Variants in FAM13A observed in about 807,000 individuals in gnomAD.
The protein encoded by FAM13A is protein FAM13A.
Under a neutral mutation model 129.6 loss-of-function variants are expected in FAM13A, and 76 were observed. The observed-to-expected ratio is 0.59, with a 90% CI of 0.49 to 0.71. FAM13A has a LOEUF of 0.71. FAM13A is among the 30% of genes least tolerant of loss of function. The probability of loss-of-function intolerance (pLI) is 0.00; values close to 1 mark genes in which losing one functional copy is unlikely to be tolerated. For missense variants in FAM13A, 1,108 were observed against 1,249.3 expected (o/e 0.89, Z 1.70); for synonymous variants, 443 against 449.9 (o/e 0.98, Z 0.20).
intron 23 of FAM13A, among the ~76,000 whole-genome samples, chr4:88,730,958 C>G (rs931376807): frequency 2.0e-5 from 3 of 152,144 alleles, no homozygotes; most frequent in African/African-American, 7.2e-5. Context: ...GCCACTACGG[C>G]CGCTTGGCTA....
intron 6 of FAM13A, among the ~76,000 whole-genome samples, chr4:88,888,682 T>G (rs1363902049): frequency 1.3e-5 from 2 of 151,786 alleles, no homozygotes; most frequent in African/African-American, 4.8e-5. Flanking sequence ...TCCCAGAATT[T>G]TGGGAGGCCG....
intron 3 of FAM13A, among the ~76,000 whole-genome samples, chr4:89,014,275 A>G (rs1162108878): frequency 6.6e-6 from 1 of 152,192 alleles, no homozygotes; most frequent in Non-Finnish European, 1.5e-5. Flanking sequence ...GCTGCTGACA[A>G]CTTTTACTTC....
chr4:88,868,596 T>A (rs1006074132), intron 6 of FAM13A, among the ~76,000 whole-genome samples: 2 of 152,168 alleles, frequency 1.3e-5, no homozygotes, highest in Non-Finnish European at 2.9e-5. Context: ...ATCCATACTC[T>A]TTGGTCTCAC....
chr4:88,866,498 C>T (rs868353035), intron 6 of FAM13A, among the ~76,000 whole-genome samples: 73 of 152,188 alleles, frequency 4.8e-4, no homozygotes, highest in African/African-American at 1.6e-3. Flanking sequence ...TCTATTTTTG[C>T]AATCATCAAA....
chr4:88,741,765 T>C (rs1179454449), intron 19 of FAM13A, among the ~76,000 whole-genome samples: 4 of 152,164 alleles, frequency 2.6e-5, no homozygotes, highest in African/African-American at 9.7e-5. Context: ...GGATGCTCAA[T>C]CAGTATAATG....
At chr4:88,897,400 T>G (rs528566054) in intron 6 of FAM13A, among the ~76,000 whole-genome samples, 1 of 152,276 alleles carries the variant, frequency 6.6e-6, no homozygotes, top group African/African-American at 2.4e-5. Flanking sequence ...GGACTCAAAT[T>G]AAGATGTGGC....
chr4:88,799,634 G>A lies in FAM13A; in HGVS notation c.1049+5377C>T, dbSNP rs188111858. ...TGAGTAGCTGGGACTACAGATGCAC[G>A]CCACCATGCACGGCTAATTTTTTGT... On this transcript the variant is annotated intron_variant, in intron 8 of 23. Coordinates refer to ENST00000264344, the MANE Select transcript of FAM13A (RefSeq NM_014883.4). Among the ~76,000 whole-genome samples, 90 of 152,240 alleles carry A rather than the reference G, an allele frequency of 5.9e-4. No homozygotes were observed. In the East Asian group the frequency reaches 0.013, roughly 22 times the overall value.
At chr4:89,026,198 C>A (rs942244385) in intron 2 of FAM13A, among the ~76,000 whole-genome samples, 1 of 152,148 alleles carries the variant, frequency 6.6e-6, no homozygotes, top group African/African-American at 2.4e-5. Context: ...GGATACACAG[C>A]CTCACTCAAA....
chr4:88,943,402 T>C (rs760575367), intron 4 of FAM13A, among the ~76,000 whole-genome samples: 3 of 152,230 alleles, frequency 2.0e-5, no homozygotes, highest in Admixed American at 6.5e-5. Flanking sequence ...AAAAACTATA[T>C]GAGATTTCTA....
At position 89,005,182 on chromosome 4, in the gene FAM13A, C is replaced by T. The variant is rs1024217803; in HGVS notation, c.428-14032G>A. On this transcript the variant is annotated intron_variant, in intron 3 of 23. Transcript: ENST00000264344. ...ACAAGCAGCATTTGGTTTTCTGTTTCGATGTTAGTTTGCTAAGGATAATAG... is the reference window on the plus strand; with the variant it reads ...ACAAGCAGCATTTGGTTTTCTGTTTTGATGTTAGTTTGCTAAGGATAATAG... Among the ~76,000 whole-genome samples the T allele has an allele frequency of 2.2e-4, 34 of 152,280 alleles. 1 individual carries two copies. In the East Asian group the frequency reaches 2.3e-3, roughly 10 times the overall value.
At chr4:88,838,026 A>G (rs1399239067) in intron 7 of FAM13A, among the ~76,000 whole-genome samples, 2 of 152,214 alleles carry the variant, frequency 1.3e-5, no homozygotes, top group Non-Finnish European at 2.9e-5. Flanking sequence ...CCTAAACAAT[A>G]TAACTCTTTA....
intron 10 of FAM13A, among the ~76,000 whole-genome samples, chr4:88,782,404 G>A (rs1723132750): frequency 6.6e-6 from 1 of 152,004 alleles, no homozygotes; most frequent in African/African-American, 2.4e-5. Context: ...TTCGTGGTAT[G>A]AGTGAGTTAA....
At chr4:88,941,283 T>A (rs1193669975) in intron 4 of FAM13A, among the ~76,000 whole-genome samples, 1 of 152,214 alleles carries the variant, frequency 6.6e-6, no homozygotes, top group Non-Finnish European at 1.5e-5. Context: ...AATAGCGAAG[T>A]TTCCTGTTTT....
intron 1 of FAM13A, among the ~76,000 whole-genome samples, chr4:89,033,992 G>C (rs1769037324): frequency 6.6e-6 from 1 of 152,116 alleles, no homozygotes; most frequent in Non-Finnish European, 1.5e-5. Context: ...AGAAACCCTA[G>C]GAAATATCCT....
intron 6 of FAM13A, among the ~76,000 whole-genome samples, chr4:88,898,456 T>C (rs1036440247): frequency 2.0e-5 from 3 of 152,112 alleles, no homozygotes; most frequent in African/African-American, 7.2e-5. Context: ...CCATAATAGA[T>C]AGTTGAAATA....
chr4:88,839,681 G>T (rs1273021440), intron 7 of FAM13A, among the ~76,000 whole-genome samples: 3 of 152,258 alleles, frequency 2.0e-5, no homozygotes, highest in South Asian at 2.1e-4. Context: ...GAGGCCAGGA[G>T]TTTGAGACCA....
intron 6 of FAM13A, among the ~76,000 whole-genome samples, chr4:88,873,912 C>T (rs1382556173): frequency 2.6e-5 from 4 of 152,160 alleles, no homozygotes; most frequent in South Asian, 2.1e-4. Context: ...CAAACCGAAT[C>T]CAGCAGCACA....
At chr4:88,933,041 G>A (rs10008568) in intron 5 of FAM13A, among the ~76,000 whole-genome samples, 85,271 of 151,866 alleles carry the variant, frequency 0.56, 24,049 homozygotes, top group Admixed American at 0.59. Context: ...ATTAAAGTAC[G>A]AAGATTTCCC....
intron 3 of FAM13A, among the ~76,000 whole-genome samples, chr4:89,000,958 G>A (rs1322601863): frequency 1.3e-5 from 2 of 152,260 alleles, no homozygotes; most frequent in East Asian, 3.8e-4. Flanking sequence ...GCACACATGT[G>A]CACACAATCA....
Sources: gnomAD v4.1 joint callset for allele counts (sites outside exome capture counted in the v4.1 genomes callset) on GRCh38, gnomAD v4.1.1 for gene constraint, MANE v1.5 for transcripts, NCBI Gene and HGNC (gene_info 2026-07-23, HGNC 2026-07-21) for gene names.